The following GRID1 variants were observed in gnomAD, a reference collection of about 807,000 sequenced individuals.
GRID1 encodes the protein glutamate ionotropic receptor delta type subunit 1, also known as glutamate receptor ionotropic, delta-1.
GRID1 carries 28 observed loss-of-function variants against 98.0 expected under a neutral mutation model. That is an observed-to-expected ratio of 0.29 (90% CI 0.21 to 0.39). The LOEUF (loss-of-function observed/expected upper bound fraction) is 0.39. Among genes scored for constraint, GRID1 ranks in the 10% least tolerant of loss-of-function variants. GRID1 has a pLI of 1.00. For missense variants in GRID1, 1,111 were observed against 1,340.5 expected, an observed-to-expected ratio of 0.83 and a Z score of 2.67; for synonymous variants, 553 against 538.5, an observed-to-expected ratio of 1.03 and a Z score of -0.37.
chr10:85,986,552 C>A (rs190215834), intron 4 of GRID1, among the ~76,000 whole-genome samples: 30 of 152,294 alleles, frequency 2.0e-4, no homozygotes, highest in Non-Finnish European at 2.9e-5. Context: ...TCGCCAGACC[C>A]CAACTGCAAC....
At chr10:85,618,162 T>C (rs1158448069) in intron 14 of GRID1, among the ~76,000 whole-genome samples, 1 of 152,190 alleles carries the variant, frequency 6.6e-6, no homozygotes, top group African/African-American at 2.4e-5. Flanking sequence ...CTCCAGTGTG[T>C]CAGTGTTCAC....
At chr10:86,338,197 G>T (rs1293596646) in intron 2 of GRID1, among the ~76,000 whole-genome samples, 1 of 152,152 alleles carries the variant, frequency 6.6e-6, no homozygotes, top group Non-Finnish European at 1.5e-5. Context: ...CATGACCCAG[G>T]CTGGGCCAAT....
intron 8 of GRID1, among the ~76,000 whole-genome samples, chr10:85,819,253 G>A (rs984194379): frequency 6.6e-6 from 1 of 152,062 alleles, no homozygotes; most frequent in African/African-American, 2.4e-5. Context: ...TAAAATTAGT[G>A]GGAAAAAATT....
rs144811537 is a variant in GRID1, at chr10:86,243,963, A to G, written c.236-37315T>C. 1.2e-4 allele frequency among the ~76,000 whole-genome samples: 19 copies of G among 152,336 alleles called. No individual in the cohort carries two copies. In the South Asian group the frequency reaches 2.3e-3, roughly 18 times the overall value. On this transcript the variant is annotated intron_variant, in intron 2 of 15. Transcript: ENST00000327946. The stretch of plus-strand genomic sequence containing the variant: ...AGCACATGCATACATACCTGCACAT[A>G]CATGCACACACGTGTGCTTGTGTGC...
intron 8 of GRID1, among the ~76,000 whole-genome samples, chr10:85,747,733 C>A (rs1466164807): frequency 6.6e-6 from 1 of 152,138 alleles, no homozygotes; most frequent in East Asian, 1.9e-4. Context: ...AACCAAGAGA[C>A]AGAGATTTTG....
At chr10:85,960,623 G>A (rs1055106114) in intron 4 of GRID1, among the ~76,000 whole-genome samples, 4 of 152,174 alleles carry the variant, frequency 2.6e-5, no homozygotes, top group Non-Finnish European at 5.9e-5. Context: ...GCCGGACCTC[G>A]CCCTACTGAC....
intron 13 of GRID1, among the ~76,000 whole-genome samples, chr10:85,623,941 G>A (rs1183181350): frequency 6.6e-6 from 1 of 152,174 alleles, no homozygotes; most frequent in South Asian, 2.1e-4. Flanking sequence ...GAGGGAGGAG[G>A]ATGAACCCAG....
intron 8 of GRID1, among the ~76,000 whole-genome samples, chr10:85,783,728 G>A (rs1724086253): frequency 6.6e-6 from 1 of 152,292 alleles, no homozygotes; most frequent in East Asian, 1.9e-4. Context: ...TCAGTGCACA[G>A]ACAAATAGGC....
chr10:86,212,442 C>A (rs1209035435), intron 2 of GRID1, among the ~76,000 whole-genome samples: 1 of 152,226 alleles, frequency 6.6e-6, no homozygotes, highest in African/African-American at 2.4e-5. Context: ...GGAGAAACAA[C>A]CTGATGCCCT....
At chr10:85,809,010 T>C (rs1201347241) in intron 8 of GRID1, among the ~76,000 whole-genome samples, 2 of 151,992 alleles carry the variant, frequency 1.3e-5, no homozygotes, top group African/African-American at 4.8e-5. Context: ...ACAACCTGAA[T>C]GAAAAGTTAA....
intron 2 of GRID1, among the ~76,000 whole-genome samples, chr10:86,311,276 G>C (rs1253370100): frequency 6.6e-6 from 1 of 152,204 alleles, no homozygotes; most frequent in Non-Finnish European, 1.5e-5. Flanking sequence ...TGTCAGACGT[G>C]AAAGGCCATG....
In GRID1 at chr10:86,310,592, G is replaced by A. The variant is rs1261225909; in HGVS notation, c.235+53349C>T. ...CAGGTACCTGAGTGTTGGGGAGAAA[G>A]GCATATATCTACCTGGTCTCCAGGC... On this transcript the variant is annotated intron_variant, in intron 2 of 15. Coordinates refer to ENST00000327946, the MANE Select transcript of GRID1 (RefSeq NM_017551.3). 3.3e-5 allele frequency among the ~76,000 whole-genome samples: 5 copies of A among 151,612 alleles called. No homozygotes were observed. The East Asian group carries it at 9.6e-4, about 29-fold the overall frequency.
chr10:86,328,218 TGTAGG>T (rs1848081344), intron 2 of GRID1, among the ~76,000 whole-genome samples: 1 of 152,256 alleles, frequency 6.6e-6, no homozygotes, highest in Non-Finnish European at 1.5e-5. Context: ...CTGTTATGTG[TGTAGG>T]TTACATTTCT....
Position 86,122,912 on chromosome 10 carries a change from C to A in GRID1, c.726+15907G>T, listed in dbSNP as rs1180709425. ...GGGCCCCACTTTCTGCAGCTTAGTG[C>A]CCTGCCGTGCAGGCCTGGGCAGTGC... On this transcript the variant is annotated intron_variant, in intron 4 of 15. Coordinates refer to ENST00000327946, the MANE Select transcript of GRID1 (RefSeq NM_017551.3). Among the ~76,000 whole-genome samples, 4 of 152,176 alleles carry A rather than the reference C, an allele frequency of 2.6e-5. No homozygotes were observed. In the South Asian group the frequency reaches 8.3e-4, roughly 32 times the overall value.
chr10:85,896,371 A>T (rs1410233936), intron 5 of GRID1, among the ~76,000 whole-genome samples: 1 of 152,200 alleles, frequency 6.6e-6, no homozygotes, highest in African/African-American at 2.4e-5. Context: ...GGCTGGTTCA[A>T]AGGCAGTACT....
intron 2 of GRID1, among the ~76,000 whole-genome samples, chr10:86,363,585 G>A (rs2132124793): frequency 6.6e-6 from 1 of 152,246 alleles, no homozygotes; most frequent in South Asian, 2.1e-4. Context: ...TACCCGGCAC[G>A]CAGACACGCC....
At chr10:85,922,740 A>G (rs1323616955) in intron 4 of GRID1, among the ~76,000 whole-genome samples, 1 of 152,220 alleles carries the variant, frequency 6.6e-6, no homozygotes, top group African/African-American at 2.4e-5. Context: ...AGCTAGCTGC[A>G]GGAGGATGGA....
At chr10:85,785,456 G>C (rs1363265888) in intron 8 of GRID1, among the ~76,000 whole-genome samples, 2 of 152,176 alleles carry the variant, frequency 1.3e-5, no homozygotes, top group Admixed American at 1.3e-4. Context: ...ACTAGGAAGG[G>C]GCTTCCCTGA....
At chr10:85,752,162 T>C (rs186092262) in intron 8 of GRID1, among the ~76,000 whole-genome samples, 217 of 152,256 alleles carry the variant, frequency 1.4e-3, no homozygotes, top group African/African-American at 4.9e-3. Flanking sequence ...CAATCTCAGC[T>C]CTCCGGCCCT....
Sources: allele counts gnomAD v4.1 joint callset (sites outside exome capture counted in the v4.1 genomes callset), GRCh38; gene constraint gnomAD v4.1.1; transcripts MANE v1.5; gene names NCBI Gene and HGNC (gene_info 2026-07-23, HGNC 2026-07-21).